The following SYTL4 variants were observed in gnomAD, a reference collection of about 807,000 sequenced individuals.
SYTL4 encodes the protein synaptotagmin-like protein 4.
In SYTL4, 16 loss-of-function variants were observed where a neutral mutation model predicts 52.7. That is an observed-to-expected ratio of 0.30 (90% CI 0.21 to 0.46). The LOEUF is 0.46. SYTL4 is among the 20% of genes least tolerant of loss of function. SYTL4 has a pLI of 1.00. For missense variants in SYTL4, 423 were observed against 519.9 expected, an observed-to-expected ratio of 0.81 and a Z score of 1.81; for synonymous variants, 160 against 186.6, an observed-to-expected ratio of 0.86 and a Z score of 1.16.
At chrX:100,717,132 C>T (rs1436223681) in intron 2 of SYTL4, among the ~76,000 whole-genome samples, 2 of 111,925 alleles carry the variant, frequency 1.8e-5, no homozygotes, top group Non-Finnish European at 3.8e-5. Context: ...TTACAGAATG[C>T]TCACTAGTTA....
chrX:100,691,251 T>C, intron 8 of SYTL4, 42 bp from the exon 9 acceptor site: 1 of 1,002,994 alleles, frequency 1.0e-6, no homozygotes, highest in Non-Finnish European at 1.4e-6. Context: ...GGAAGCAGGT[T>C]CTCCTGCCTC....
chrX:100,703,272 G>A (rs1602848686), intron 3 of SYTL4, 87 bp from the exon 4 acceptor site: 1 of 111,489 alleles, frequency 9.0e-6, no homozygotes, highest in East Asian at 2.8e-4. Flanking sequence ...TGGGAGGATT[G>A]TTTGAGCCTG....
chrX:100,679,167 G>C (rs1266335634), intron 18 of SYTL4, 146 bp downstream of exon 18: 1 of 465,036 alleles, frequency 2.2e-6, no homozygotes, highest in Admixed American at 3.5e-5. Context: ...AGGTGGTGAA[G>C]GTTTTGTCAT....
intron 2 of SYTL4, among the ~76,000 whole-genome samples, chrX:100,713,531 G>A (rs769610720): frequency 9.0e-6 from 1 of 110,560 alleles, no homozygotes; most frequent in Non-Finnish European, 1.9e-5. Context: ...TGGGAGAATC[G>A]CTTGAACCTG....
chrX:100,694,994 A>G (rs1334506006), intron 8 of SYTL4, among the ~76,000 whole-genome samples: 1 of 109,857 alleles, frequency 9.1e-6, no homozygotes, highest in Non-Finnish European at 1.9e-5. Flanking sequence ...TTTACTTTAG[A>G]ATTGTCCTTT....
At chrX:100,715,863 G>A (rs1352848279) in intron 2 of SYTL4, among the ~76,000 whole-genome samples, 2 of 105,738 alleles carry the variant, frequency 1.9e-5, no homozygotes, top group Non-Finnish European at 3.9e-5. Flanking sequence ...ACCTGAGCCC[G>A]GGAGGTCAAG....
intron 2 of SYTL4, among the ~76,000 whole-genome samples, chrX:100,721,855 G>A (rs2084346960): frequency 9.1e-6 from 1 of 109,387 alleles, no homozygotes; most frequent in Non-Finnish European, 1.9e-5. Flanking sequence ...TGGCTGGAGT[G>A]CAGTGGCATG....
At chrX:100,702,509 C>T (rs1230051147) in intron 4 of SYTL4, among the ~76,000 whole-genome samples, 1 of 112,177 alleles carries the variant, frequency 8.9e-6, no homozygotes, top group Non-Finnish European at 1.9e-5. Flanking sequence ...AGGAGAAAAG[C>T]ACATGAAGGC....
intron 8 of SYTL4, among the ~76,000 whole-genome samples, chrX:100,699,550 G>A (rs1163014279): frequency 1.1e-4 from 9 of 83,236 alleles, no homozygotes; most frequent in South Asian, 7.6e-4. Flanking sequence ...GTGCAATGGC[G>A]CGATCTCGGC....
At chrX:100,686,613 G>A (rs1218237296) in intron 15 of SYTL4, 66 bp downstream of exon 15, 25 of 843,476 alleles carry the variant, frequency 3.0e-5, no homozygotes, top group Non-Finnish European at 3.8e-5. Context: ...ATGTTGCAGA[G>A]GAATAGCTAC....
At position 100,681,241 on chromosome X, in the gene SYTL4, C is replaced by T. The variant is rs1469858823; in HGVS notation, c.1544G>A (p.Gly515Asp). The change falls in exon 17 of 20, where the codon GGT becomes GAT. Residue 515 changes from glycine (G) to aspartate (D), a missense_variant. Transcript: ENST00000372989. ...AGAAAACTCACTCTTTTTCCGGTCA[C>T]CTCCAACAGGGGTTTTGGAGGCTGG... ...YIPASKTPVG[G>D]DRKKSKGGEG... 8.3e-7 allele frequency: 1 copy of T among 1,209,783 alleles called. No individual in the cohort carries two copies. The highest frequency in any genetic ancestry group is 1.1e-6 in the Non-Finnish European group (1 of 894,031).
intron 13 of SYTL4, chrX:100,688,051 G>C (rs1273169649): frequency 4.7e-6 from 1 of 212,651 alleles, no homozygotes; most frequent in East Asian, 9.0e-5. Flanking sequence ...ATCTGATCTT[G>C]CTCACTTCAT....
chrX:100,712,569 C>CA (rs1053327851), intron 2 of SYTL4, among the ~76,000 whole-genome samples: 2 of 111,951 alleles, frequency 1.8e-5, no homozygotes, highest in African/African-American at 6.5e-5. Context: ...CCATATGAAA[C>CA]AAAAAAAGCA....
intron 2 of SYTL4, among the ~76,000 whole-genome samples, chrX:100,714,260 A>G (rs2084142566): frequency 1.1e-5 from 1 of 92,425 alleles, no homozygotes. Flanking sequence ...ATTTTATGTC[A>G]AGATTTTTTT....
At chrX:100,706,601 G>A (rs1470829542) in intron 2 of SYTL4, among the ~76,000 whole-genome samples, 1 of 112,141 alleles carries the variant, frequency 8.9e-6, no homozygotes. Flanking sequence ...AAAAAACTGA[G>A]ACAAAGAGAA....
At chrX:100,682,291 T>C (rs1304680198) in intron 16 of SYTL4, among the ~76,000 whole-genome samples, 2 of 111,869 alleles carry the variant, frequency 1.8e-5, no homozygotes, top group Non-Finnish European at 3.8e-5. Flanking sequence ...TTCCCTTTTT[T>C]ACTCCATATT....
intron 2 of SYTL4, among the ~76,000 whole-genome samples, chrX:100,715,970 G>A (rs1447271146): frequency 2.9e-5 from 3 of 102,915 alleles, no homozygotes; most frequent in African/African-American, 7.2e-5. Flanking sequence ...AAAAAAAAGT[G>A]GACTCTATTA....
chrX:100,718,390 A>G (rs1305387297), intron 2 of SYTL4, among the ~76,000 whole-genome samples: 1 of 111,948 alleles, frequency 8.9e-6, no homozygotes, highest in East Asian at 2.8e-4. Flanking sequence ...AAAGTGACTT[A>G]CAAAGATTCA....
rs896965067 is a variant in SYTL4 at position 100,713,364 on chromosome X, G to C, written c.-239-8478C>G. 2.7e-5 allele frequency among the ~76,000 whole-genome samples: 3 copies of C among 112,118 alleles called. 1 individual carries two copies. The Admixed American group carries it at 2.8e-4, about 11-fold the overall frequency. On this transcript the variant is annotated intron_variant, in intron 2 of 19. Transcript: ENST00000372989. ...GGAGGCTGAGGCAGGAGAATAGCTTGAACCAGGGAGGTGGTGGTTGCAGTG... is the reference window on the plus strand; with the variant it reads ...GGAGGCTGAGGCAGGAGAATAGCTTCAACCAGGGAGGTGGTGGTTGCAGTG...
Sources: gnomAD v4.1 joint callset for allele counts (sites outside exome capture counted in the v4.1 genomes callset) on GRCh38, gnomAD v4.1.1 for gene constraint, MANE v1.5 for transcripts, NCBI Gene and HGNC (gene_info 2026-07-23, HGNC 2026-07-21) for gene names.